Variants in NRG3 observed in about 807,000 individuals in gnomAD.
NRG3 encodes the protein pro-neuregulin-3, membrane-bound isoform.
In NRG3, 31 loss-of-function variants were observed where a neutral mutation model predicts 66.9. The observed-to-expected ratio is 0.46, with a 90% confidence interval of 0.35 to 0.63. NRG3 has a LOEUF of 0.63. Among genes scored for constraint, NRG3 ranks in the 20% least tolerant of loss-of-function variants. The pLI is 0.00. For synonymous variants in NRG3, 393 were observed against 359.4 expected, an observed-to-expected ratio of 1.09 and a Z score of -1.06; for missense variants, 910 against 878.9, an observed-to-expected ratio of 1.04 and a Z score of -0.45.
intron 2 of NRG3, among the ~76,000 whole-genome samples, chr10:82,424,191 G>A (rs1233005147): frequency 6.6e-6 from 1 of 151,952 alleles, no homozygotes; most frequent in African/African-American, 2.4e-5. Flanking sequence ...TGGTAATTCT[G>A]CATTTAACAT....
intron 1 of NRG3, among the ~76,000 whole-genome samples, chr10:82,213,509 A>T (rs1406346180): frequency 2.0e-5 from 3 of 152,172 alleles, no homozygotes; most frequent in Non-Finnish European, 4.4e-5. Flanking sequence ...GTATGTGTAT[A>T]TATTCCAAAA....
chr10:82,943,990 A>G (rs909771095), intron 4 of NRG3, among the ~76,000 whole-genome samples: 1 of 152,212 alleles, frequency 6.6e-6, no homozygotes, highest in African/African-American at 2.4e-5. Flanking sequence ...GCAGTCACTC[A>G]TTTTAAAAGT....
intron 2 of NRG3, among the ~76,000 whole-genome samples, chr10:82,406,761 C>T (rs1010864042): frequency 8.6e-5 from 13 of 152,044 alleles, no homozygotes; most frequent in Admixed American, 8.5e-4. Flanking sequence ...TGTCTAATCC[C>T]ATGAGCTTGG....
At chr10:82,462,888 A>G (rs374766243) in intron 2 of NRG3, among the ~76,000 whole-genome samples, 1 of 152,120 alleles carries the variant, frequency 6.6e-6, no homozygotes, top group Non-Finnish European at 1.5e-5. Flanking sequence ...TATTTTGTTG[A>G]TGTGAAAACT....
chr10:82,861,565 A>G (rs1267583670), intron 3 of NRG3, among the ~76,000 whole-genome samples: 3 of 152,174 alleles, frequency 2.0e-5, no homozygotes, highest in African/African-American at 7.2e-5. Flanking sequence ...TCTTAGCACA[A>G]TCTACAGATT....
Position 82,588,170 on chromosome 10 carries a change from A to T in NRG3, c.954-150407A>T, listed in dbSNP as rs1020730953. Among the ~76,000 whole-genome samples, 8 of 152,064 alleles carry T rather than the reference A, an allele frequency of 5.3e-5. No individual in the cohort carries two copies. The East Asian group carries it at 5.8e-4, about 11-fold the overall frequency. On this transcript the variant is annotated intron_variant, in intron 2 of 8. Transcript: ENST00000372141. ...TGGTTCCATCCTTTTCCCAGCTGAT[A>T]TGGTTTGGATATTTGACCCCTCTAA...
intron 2 of NRG3, among the ~76,000 whole-genome samples, chr10:82,412,375 A>T (rs576119549): frequency 5.9e-5 from 9 of 152,336 alleles, no homozygotes; most frequent in African/African-American, 2.2e-4. Context: ...TTATGTTTAC[A>T]CTATACTGTA....
intron 2 of NRG3, among the ~76,000 whole-genome samples, chr10:82,482,329 C>T (rs1002952090): frequency 1.3e-5 from 2 of 152,182 alleles, no homozygotes; most frequent in African/African-American, 4.8e-5. Context: ...CAAGATTTTT[C>T]ATCTTGAATA....
At chr10:82,001,768 A>G (rs1397863345) in intron 1 of NRG3, among the ~76,000 whole-genome samples, 1 of 152,228 alleles carries the variant, frequency 6.6e-6, no homozygotes, top group Non-Finnish European at 1.5e-5. Flanking sequence ...AGGAAAATGT[A>G]TTTCCAGTTA....
At chr10:82,390,347 G>T (rs892843776) in intron 2 of NRG3, among the ~76,000 whole-genome samples, 3 of 152,002 alleles carry the variant, frequency 2.0e-5, no homozygotes, top group Non-Finnish European at 4.4e-5. Context: ...TTTTTGTGGG[G>T]GGGCTGGGGT....
chr10:81,944,636 T>A (rs1848683096), intron 1 of NRG3, among the ~76,000 whole-genome samples: 1 of 152,148 alleles, frequency 6.6e-6, no homozygotes, highest in South Asian at 2.1e-4. Flanking sequence ...ATGATATGCC[T>A]CATCTTTTGT....
chr10:82,357,016 T>G (rs991218488), intron 1 of NRG3, among the ~76,000 whole-genome samples: 1 of 152,150 alleles, frequency 6.6e-6, no homozygotes, highest in African/African-American at 2.4e-5. Flanking sequence ...AAAGGATTAC[T>G]TGCAGTGTTG....
chr10:82,283,190 T>A (rs1321710225), intron 1 of NRG3, among the ~76,000 whole-genome samples: 1 of 151,970 alleles, frequency 6.6e-6, no homozygotes, highest in East Asian at 1.9e-4. Context: ...GAAGATTGGA[T>A]CCTTTGTGTG....
At chr10:82,867,957 G>A (rs764275941) in intron 4 of NRG3, among the ~76,000 whole-genome samples, 11 of 152,180 alleles carry the variant, frequency 7.2e-5, no homozygotes, top group South Asian at 2.1e-4. Flanking sequence ...GCCCTGGGCC[G>A]CTTGTCCAAG....
intron 1 of NRG3, among the ~76,000 whole-genome samples, chr10:82,043,686 T>C (rs985675042): frequency 7.2e-5 from 11 of 152,072 alleles, no homozygotes; most frequent in African/African-American, 2.7e-4. Flanking sequence ...TGCTTTGCTT[T>C]ATATTATATA....
chr10:82,396,368 C>G (rs1178223620), intron 2 of NRG3, among the ~76,000 whole-genome samples: 3 of 152,162 alleles, frequency 2.0e-5, no homozygotes, highest in Admixed American at 6.6e-5. Flanking sequence ...ACCTAGTGCT[C>G]CTATAATTTC....
intron 4 of NRG3, among the ~76,000 whole-genome samples, chr10:82,881,073 C>T (rs905863430): frequency 2.6e-5 from 4 of 152,134 alleles, no homozygotes; most frequent in Admixed American, 2.6e-4. Context: ...GCTTGTTACA[C>T]GATGAGAATT....
At chr10:82,597,349 G>A (rs1335362983) in intron 2 of NRG3, among the ~76,000 whole-genome samples, 1 of 152,134 alleles carries the variant, frequency 6.6e-6, no homozygotes, top group Non-Finnish European at 1.5e-5. Context: ...AATTTCAGAG[G>A]AAAGAACAGA....
intron 1 of NRG3, among the ~76,000 whole-genome samples, chr10:82,270,102 C>T (rs2078515101): frequency 1.3e-5 from 2 of 152,144 alleles, no homozygotes; most frequent in African/African-American, 4.8e-5. Context: ...GCTATAATTG[C>T]ACAGCGTTTA....
Sources: allele counts gnomAD v4.1 joint callset (sites outside exome capture counted in the v4.1 genomes callset), GRCh38; gene constraint gnomAD v4.1.1; transcripts MANE v1.5; gene names NCBI Gene and HGNC (gene_info 2026-07-23, HGNC 2026-07-21).